Variants in MAGT1 observed in about 807,000 individuals in gnomAD.
The protein encoded by MAGT1 is magnesium transporter 1, also known as dolichyl-diphosphooligosaccharide--protein glycosyltransferase subunit MAGT1.
In MAGT1, 4 loss-of-function variants were observed where a neutral mutation model predicts 28.4. That is an observed-to-expected ratio of 0.14 (90% CI 0.07 to 0.32). The LOEUF (loss-of-function observed/expected upper bound fraction) is 0.32, where lower values mean the gene tolerates loss of function less well. Among genes scored for constraint, MAGT1 ranks in the 10% least tolerant of loss-of-function variants. The pLI is 1.00. For missense variants in MAGT1, 193 were observed against 264.5 expected (o/e 0.73, Z 1.88); for synonymous variants, 89 against 89.7 (o/e 0.99, Z 0.04).
At chrX:77,881,882 A>C (rs1355708468) in intron 1 of MAGT1, among the ~76,000 whole-genome samples, 2 of 111,737 alleles carry the variant, frequency 1.8e-5, no homozygotes, top group African/African-American at 6.5e-5. Flanking sequence ...GATGAACATC[A>C]ATGCAAAAAT....
intron 8 of MAGT1, among the ~76,000 whole-genome samples, chrX:77,835,438 C>T (rs1557213833): frequency 9.0e-6 from 1 of 110,978 alleles, no homozygotes; most frequent in East Asian, 2.8e-4. Context: ...TAAATGCTGG[C>T]GAGGATGTGG....
Position 77,867,635 on chromosome X carries a change from C to G in MAGT1, c.390+3173G>C, listed in dbSNP as rs1174276776. Among the ~76,000 whole-genome samples, 2 of 66,526 alleles carry G rather than the reference C, an allele frequency of 3.0e-5. 1 individual carries two copies. The highest frequency in any genetic ancestry group is 8.1e-5 in the Non-Finnish European group (2 of 24,624). 57.8% of individuals were successfully genotyped at this position (66,526 alleles called of 115,157 possible). On this transcript the variant is annotated intron_variant, in intron 3 of 9. Transcript: ENST00000618282. The stretch of plus-strand genomic sequence containing the variant: ...ATTACTTGAGCCCAGGAGTTCAAGA[C>G]TAGCCAGGGCAACATAGCAAGACCC...
At chrX:77,836,153 G>A (rs2076917372) in intron 8 of MAGT1, among the ~76,000 whole-genome samples, 1 of 110,871 alleles carries the variant, frequency 9.0e-6, no homozygotes, top group East Asian at 2.8e-4. Context: ...AAAATCATAT[G>A]TTCTCACTTA....
intron 2 of MAGT1, 45 bp downstream of exon 2, chrX:77,875,383 C>T (rs1170821563): frequency 1.7e-6 from 2 of 1,171,246 alleles, no homozygotes; most frequent in East Asian, 3.0e-5. Context: ...AAATGGTTAA[C>T]GTTATATGAG....
At chrX:77,845,592 T>C (rs995697561) in intron 7 of MAGT1, among the ~76,000 whole-genome samples, 9 of 111,875 alleles carry the variant, frequency 8.0e-5, no homozygotes, top group Non-Finnish European at 1.1e-4. Context: ...TTCCTTTCCA[T>C]GTTTAGCGCT....
chrX:77,859,626 G>C (rs2076989745), intron 3 of MAGT1, among the ~76,000 whole-genome samples: 1 of 112,032 alleles, frequency 8.9e-6, no homozygotes, highest in African/African-American at 3.2e-5. Context: ...CAGCACTTTG[G>C]AAAGCCGAGG....
At chrX:77,857,799 A>T (rs2076985087) in intron 3 of MAGT1, among the ~76,000 whole-genome samples, 1 of 112,173 alleles carries the variant, frequency 8.9e-6, no homozygotes. Flanking sequence ...TTCAGAGATT[A>T]TGCAAAATGA....
chrX:77,879,835 C>CTTTTTT (rs536579134), intron 1 of MAGT1, among the ~76,000 whole-genome samples: 1 of 73,183 alleles, frequency 1.4e-5, no homozygotes, highest in Non-Finnish European at 2.5e-5. Context: ...CATGATTTGC[C>CTTTTTT]TTTTTTTTTT....
At chrX:77,884,983 A>C (rs1892978035) in intron 1 of MAGT1, among the ~76,000 whole-genome samples, 1 of 104,401 alleles carries the variant, frequency 9.6e-6, no homozygotes, top group African/African-American at 3.5e-5. Context: ...AATGGCGTGA[A>C]CCCGGGAGTC....
At chrX:77,860,823 A>C (rs1238834592) in intron 3 of MAGT1, among the ~76,000 whole-genome samples, 1 of 111,259 alleles carries the variant, frequency 9.0e-6, no homozygotes, top group African/African-American at 3.3e-5. Flanking sequence ...CAACAACAAA[A>C]ATTTGGAATA....
At chrX:77,845,992 A>G (rs782200805) in intron 7 of MAGT1, among the ~76,000 whole-genome samples, 4,189 of 111,536 alleles carry the variant, frequency 0.038, 118 homozygotes, top group African/African-American at 0.1. Flanking sequence ...GCCTTGCTAG[A>G]TTGGGGAAGT....
chrX:77,830,775 C>T, intron 9 of MAGT1, 30 bp downstream of exon 9: 2 of 845,291 alleles, frequency 2.4e-6, no homozygotes, highest in Non-Finnish European at 3.4e-6. Context: ...TATTGGTAAT[C>T]ACTGTATAAA....
Position 77,855,606 on chromosome X carries a change from AT to A in MAGT1, c.673-17del. On this transcript the variant is annotated splice_polypyrimidine_tract_variant and intron_variant, in intron 5 of 9. Transcript: ENST00000618282. ...GCACAAAACACTAGGAAACAAAAAA[AT>A]AATAAAATATTCATGGTCAAACTGT... 5 of 1,102,109 alleles carry A rather than the reference AT, an allele frequency of 4.5e-6. No homozygotes were observed. Among genetic ancestry groups the A allele is most frequent in the Non-Finnish European group, 5.0e-6 (4 of 797,112 alleles). The allele number at this position is 1,102,109 out of a possible 1,213,427, so 90.8% of individuals were successfully genotyped here. A position where few individuals can be genotyped will look rare whatever the true frequency, so the allele number is the denominator to read the frequency against.
chrX:77,855,116 C>A (rs2076978303), intron 6 of MAGT1, among the ~76,000 whole-genome samples: 1 of 110,773 alleles, frequency 9.0e-6, no homozygotes, highest in Non-Finnish European at 1.9e-5. Context: ...GAGTTTGAGA[C>A]CAGCCTGACC....
At position 77,867,068 on chromosome X, in the gene MAGT1, C is replaced by T. The variant is rs1557216944; in HGVS notation, c.390+3740G>A. Among the ~76,000 whole-genome samples the T allele has an allele frequency of 4.5e-5, 3 of 66,395 alleles. 1 individual carries two copies. The highest frequency in any genetic ancestry group is 1.2e-4 in the Non-Finnish European group (3 of 24,586). The allele number at this position is 66,395 out of a possible 115,157, so 57.7% of individuals were successfully genotyped here. A position where few individuals can be genotyped will look rare whatever the true frequency, so the allele number is the denominator to read the frequency against. On this transcript the variant is annotated intron_variant, in intron 3 of 9. Coordinates refer to ENST00000618282, the MANE Select transcript of MAGT1 (RefSeq NM_001367916.1). ...TTAAAAACTCTGCACCCCGAATGCT[C>T]GGGGAGACTGACTTGAGTAATAATA...
At chrX:77,837,519 G>T (rs1557214014) in intron 8 of MAGT1, 1 of 110,949 alleles carries the variant, frequency 9.0e-6, no homozygotes, top group East Asian at 2.8e-4. Flanking sequence ...ATAGCTCACT[G>T]CAGCCTCTAA....
chrX:77,848,432 C>T (rs951737510), intron 7 of MAGT1, among the ~76,000 whole-genome samples: 1 of 112,024 alleles, frequency 8.9e-6, no homozygotes, highest in Admixed American at 9.5e-5. Flanking sequence ...GTCAGGAGTT[C>T]GAGACCAGCC....
Position 77,828,241 on chromosome X carries a change from A to G in MAGT1, c.*979T>C, listed in dbSNP as rs2076888685. The G allele has an allele frequency of 9.0e-6, 1 of 110,768 alleles. No homozygotes were observed. Among genetic ancestry groups the G allele is most frequent in the South Asian group, 3.9e-4 (1 of 2,587 alleles). The allele number at this position is 110,768 out of a possible 1,213,427, so 9.1% of individuals were successfully genotyped here. A position where few individuals can be genotyped will look rare whatever the true frequency, so the allele number is the denominator to read the frequency against. The stretch of plus-strand genomic sequence containing the variant: ...GCAATCCACCTGCCTCGGACTCCCA[A>G]TAGATGTCTTTTCATGTTCACAGCT... On this transcript the variant is annotated 3_prime_UTR_variant, in exon 10 of 10. Transcript: ENST00000618282.
chrX:77,883,109 AATTAT>A (rs1467546917), intron 1 of MAGT1, among the ~76,000 whole-genome samples: 1 of 102,298 alleles, frequency 9.8e-6, no homozygotes, highest in African/African-American at 3.5e-5. Flanking sequence ...ATAATAACAT[AATTAT>A]ATTATAATAT....
Sources: gnomAD v4.1 joint callset for allele counts (sites outside exome capture counted in the v4.1 genomes callset) on GRCh38, gnomAD v4.1.1 for gene constraint, MANE v1.5 for transcripts, NCBI Gene and HGNC (gene_info 2026-07-23, HGNC 2026-07-21) for gene names.